The following VWC2L variants were observed in gnomAD, a reference collection of about 807,000 sequenced individuals.
VWC2L encodes the protein von Willebrand factor C domain-containing protein 2-like.
Under a neutral mutation model 21.6 loss-of-function variants are expected in VWC2L, and 10 were observed. The ratio of observed to expected loss-of-function variants is 0.46; its 90% confidence interval spans 0.29 to 0.78. The LOEUF (loss-of-function observed/expected upper bound fraction) is 0.78, where lower values mean the gene tolerates loss of function less well. VWC2L is among the 30% of genes least tolerant of loss of function. VWC2L has a pLI of 0.10. For missense variants in VWC2L, 209 were observed against 277.1 expected (o/e 0.75, Z 1.74); for synonymous variants, 96 against 94.3 (o/e 1.02, Z -0.10).
intron 3 of VWC2L, among the ~76,000 whole-genome samples, chr2:214,451,493 A>G (rs556878548): frequency 9.6e-4 from 146 of 152,234 alleles, no homozygotes; most frequent in African/African-American, 3.4e-3. Flanking sequence ...GTAGGGGCAA[A>G]GGCAAGTCCT....
At chr2:214,442,100 C>T (rs905200260) in intron 3 of VWC2L, among the ~76,000 whole-genome samples, 24 of 151,906 alleles carry the variant, frequency 1.6e-4, no homozygotes, top group Admixed American at 2.0e-4. Flanking sequence ...TTAGTAGAGA[C>T]GGGGTTTCAC....
At chr2:214,476,357 T>C (rs915563408) in intron 3 of VWC2L, among the ~76,000 whole-genome samples, 19 of 152,200 alleles carry the variant, frequency 1.2e-4, no homozygotes, top group African/African-American at 4.6e-4. Context: ...ATGGACCACA[T>C]ATTGACATAC....
At chr2:214,445,154 T>A (rs1702820056) in intron 3 of VWC2L, among the ~76,000 whole-genome samples, 1 of 151,968 alleles carries the variant, frequency 6.6e-6, no homozygotes, top group African/African-American at 2.4e-5. Context: ...TCTCACACAC[T>A]ACTGGTAAGA....
At chr2:214,465,974 T>A (rs900555937) in intron 3 of VWC2L, among the ~76,000 whole-genome samples, 1 of 152,170 alleles carries the variant, frequency 6.6e-6, no homozygotes, top group Non-Finnish European at 1.5e-5. Flanking sequence ...CACAGATTCT[T>A]TCTCTCTGCA....
At chr2:214,426,467 T>C (rs1702526024) in intron 2 of VWC2L, among the ~76,000 whole-genome samples, 1 of 152,112 alleles carries the variant, frequency 6.6e-6, no homozygotes. Context: ...ACGGCTTAGA[T>C]CAAAGAAGCA....
At chr2:214,535,922 C>T (rs1308353845) in intron 3 of VWC2L, among the ~76,000 whole-genome samples, 2 of 152,000 alleles carry the variant, frequency 1.3e-5, no homozygotes, top group African/African-American at 2.4e-5. Context: ...GGATACATTA[C>T]CTCAGTTTTC....
chr2:214,532,384 T>TG (rs1229585617), intron 3 of VWC2L, among the ~76,000 whole-genome samples: 2 of 103,054 alleles, frequency 1.9e-5, no homozygotes, highest in Non-Finnish European at 4.0e-5. Flanking sequence ...AAATGTACTA[T>TG]GGAAAAAAAA....
At chr2:214,452,747 G>A (rs2126185344) in intron 3 of VWC2L, among the ~76,000 whole-genome samples, 1 of 152,146 alleles carries the variant, frequency 6.6e-6, no homozygotes, top group Non-Finnish European at 1.5e-5. Flanking sequence ...CCAATGCTTG[G>A]AATTACCAGT....
chr2:214,506,361 A>G (rs1688967831), intron 3 of VWC2L, among the ~76,000 whole-genome samples: 1 of 152,180 alleles, frequency 6.6e-6, no homozygotes, highest in African/African-American at 2.4e-5. Context: ...CTAATGCCTA[A>G]TAAACATAAA....
At chr2:214,518,980 A>G (rs1689188802) in intron 3 of VWC2L, among the ~76,000 whole-genome samples, 1 of 152,212 alleles carries the variant, frequency 6.6e-6, no homozygotes. Context: ...CCTTACTAGT[A>G]GCACATTAAT....
rs1688718946 is a variant in VWC2L at position 214,489,619 on chromosome 2, C to G, written c.520+52861C>G. On this transcript the variant is annotated intron_variant, in intron 3 of 3. Coordinates refer to ENST00000312504, the MANE Select transcript of VWC2L (RefSeq NM_001080500.4). ...GGCTTAATGGATTTTGGAACCTTCA[C>G]TGAGATAGGGAGCTCTGGAGAGAAA... Among the ~76,000 whole-genome samples, 5 of 152,218 alleles carry G rather than the reference C, an allele frequency of 3.3e-5. No homozygotes were observed. The South Asian group carries it at 1.0e-3, about 32-fold the overall frequency.
chr2:214,444,333 T>C (rs1442511656), intron 3 of VWC2L, among the ~76,000 whole-genome samples: 1 of 151,970 alleles, frequency 6.6e-6, no homozygotes, highest in Non-Finnish European at 1.5e-5. Flanking sequence ...ATCTTTAAAA[T>C]GGGCCAAAAA....
intron 3 of VWC2L, among the ~76,000 whole-genome samples, chr2:214,505,105 T>C (rs540933549): frequency 5.3e-5 from 8 of 152,236 alleles, no homozygotes; most frequent in Non-Finnish European, 8.8e-5. Context: ...TTGATTTAAT[T>C]GGAAAGAACT....
intron 2 of VWC2L, among the ~76,000 whole-genome samples, chr2:214,424,820 A>T (rs535143030): frequency 2.6e-5 from 4 of 152,296 alleles, no homozygotes; most frequent in African/African-American, 7.2e-5. Flanking sequence ...TTATCTTTTA[A>T]TATTTTGTCC....
At chr2:214,433,953 C>A (rs1197713434) in intron 2 of VWC2L, among the ~76,000 whole-genome samples, 1 of 151,874 alleles carries the variant, frequency 6.6e-6, no homozygotes, top group Non-Finnish European at 1.5e-5. Context: ...AAAAAGTGCA[C>A]TAAAATAGAG....
At chr2:214,478,410 C>T (rs369601862) in intron 3 of VWC2L, among the ~76,000 whole-genome samples, 63 of 149,986 alleles carry the variant, frequency 4.2e-4, no homozygotes, top group African/African-American at 1.3e-3. Context: ...ACCCAGGAGG[C>T]GGAGTTTGCA....
rs1438927967 is a variant in VWC2L at position 214,578,369 on chromosome 2, T to C, written c.*2549T>C. The C allele has an allele frequency of 6.6e-6, 1 of 152,176 alleles. No homozygotes were observed. Among genetic ancestry groups the C allele is most frequent in the East Asian group, 1.9e-4 (1 of 5,198 alleles). 9.4% of individuals were successfully genotyped at this position (152,176 alleles called of 1,614,324 possible). ...TGGGACATCCATTAAGGATCTCTCT[T>C]CAGAGAGTTTGCAGAAAGCAGGCTG... On this transcript the variant is annotated 3_prime_UTR_variant, in exon 4 of 4. Coordinates refer to ENST00000312504, the MANE Select transcript of VWC2L (RefSeq NM_001080500.4).
intron 3 of VWC2L, among the ~76,000 whole-genome samples, chr2:214,563,578 A>AAAAAAAAAAAAAAAAAAC (rs1229933171): frequency 7.5e-6 from 1 of 133,530 alleles, no homozygotes; most frequent in Non-Finnish European, 1.6e-5. Flanking sequence ...AAAAAAAAAA[A>AAAAAAAAAAAAAAAAAAC]AAATCAAGTG....
chr2:214,545,674 A>G (rs1422773177), intron 3 of VWC2L, among the ~76,000 whole-genome samples: 2 of 152,206 alleles, frequency 1.3e-5, no homozygotes, highest in Non-Finnish European at 2.9e-5. Context: ...TTTACAGAGT[A>G]TTTGTCAATT....
Sources: allele counts gnomAD v4.1 joint callset (sites outside exome capture counted in the v4.1 genomes callset), GRCh38; gene constraint gnomAD v4.1.1; transcripts MANE v1.5; gene names NCBI Gene and HGNC (gene_info 2026-07-23, HGNC 2026-07-21).